ESR1: variants seen among roughly 807,000 people sequenced by gnomAD.
The protein encoded by ESR1 is estrogen receptor 1.
In ESR1, 12 loss-of-function variants were observed where a neutral mutation model predicts 52.7. That is an observed-to-expected ratio of 0.23 (90% CI 0.15 to 0.37). The LOEUF is 0.37. ESR1 is among the 10% of genes least tolerant of loss of function. ESR1 has a pLI of 1.00. For synonymous variants in ESR1, 305 were observed against 316.8 expected (o/e 0.96, Z 0.39); for missense variants, 584 against 779.7 (o/e 0.75, Z 2.99).
At chr6:151,876,343 A>G (rs1341540203) in intron 2 of ESR1, among the ~76,000 whole-genome samples, 1 of 152,120 alleles carries the variant, frequency 6.6e-6, no homozygotes, top group Non-Finnish European at 1.5e-5. Context: ...GGGCAGGTGG[A>G]CATTCAGGAA....
intron 4 of ESR1, among the ~76,000 whole-genome samples, chr6:151,959,732 T>G (rs3003923): frequency 0.72 from 109,526 of 151,894 alleles, 40,469 homozygotes; most frequent in Middle Eastern, 0.86. Flanking sequence ...AAATTGCATT[T>G]GGTGAGAGCA....
intron 3 of ESR1, among the ~76,000 whole-genome samples, chr6:151,911,982 T>C (rs1188748369): frequency 2.0e-5 from 3 of 152,214 alleles, no homozygotes; most frequent in Non-Finnish European, 4.4e-5. Flanking sequence ...TAGATGTAAA[T>C]GAATTTAAAT....
chr6:151,879,746 G>A (rs1299008996), intron 2 of ESR1, among the ~76,000 whole-genome samples: 6 of 152,118 alleles, frequency 3.9e-5, no homozygotes, highest in East Asian at 3.9e-4. Flanking sequence ...CTAGATTAGC[G>A]AGGAGGAAAG....
intron 6 of ESR1, among the ~76,000 whole-genome samples, chr6:152,064,593 A>G (rs984013343): frequency 6.6e-6 from 1 of 152,220 alleles, no homozygotes; most frequent in Admixed American, 6.5e-5. Context: ...ACTTTGTGCC[A>G]GGTATACAAA....
chr6:152,073,559 T>G (rs187136073), intron 6 of ESR1, among the ~76,000 whole-genome samples: 1 of 152,388 alleles, frequency 6.6e-6, no homozygotes, highest in Admixed American at 6.5e-5. Flanking sequence ...CACACCATCC[T>G]GCACCCTGTT....
intron 2 of ESR1, among the ~76,000 whole-genome samples, chr6:151,746,408 G>A (rs1049000416): frequency 2.0e-5 from 3 of 152,210 alleles, no homozygotes. Flanking sequence ...ATGGGCTTCA[G>A]TGATTGTCTT....
intron 3 of ESR1, among the ~76,000 whole-genome samples, chr6:151,926,593 G>A (rs2032786160): frequency 6.6e-6 from 1 of 151,554 alleles, no homozygotes; most frequent in Non-Finnish European, 1.5e-5. Context: ...TTATATCTTA[G>A]TATTGAATGT....
At chr6:151,947,329 T>G (rs567495615) in intron 4 of ESR1, among the ~76,000 whole-genome samples, 5 of 151,906 alleles carry the variant, frequency 3.3e-5, no homozygotes, top group East Asian at 3.9e-4. Flanking sequence ...AATAAATAAA[T>G]AAAGAAGGAA....
chr6:152,104,170 G>A (rs1282678608), downstream of ESR1, among the ~76,000 whole-genome samples: 1 of 152,010 alleles, frequency 6.6e-6, no homozygotes, highest in Non-Finnish European at 1.5e-5. Flanking sequence ...AGAGTCTTCC[G>A]AAACTGCACG....
chr6:151,799,302 G>T (rs1777004944), intron 2 of ESR1, among the ~76,000 whole-genome samples: 1 of 152,214 alleles, frequency 6.6e-6, no homozygotes, highest in Non-Finnish European at 1.5e-5. Flanking sequence ...GCAATGAAGA[G>T]TTTGGACTCA....
intron 1 of ESR1, among the ~76,000 whole-genome samples, chr6:151,693,587 G>A (rs898609027): frequency 2.0e-5 from 3 of 152,096 alleles, no homozygotes; most frequent in African/African-American, 7.2e-5. Context: ...TCATTGTTGG[G>A]CAATGTCTTA....
At chr6:152,105,988 T>C (rs2152512436), downstream of ESR1, among the ~76,000 whole-genome samples, 1 of 148,562 alleles carries the variant, frequency 6.7e-6, no homozygotes, top group South Asian at 2.2e-4. Flanking sequence ...AGAGACGGGG[T>C]TTCACCTTGT....
At chr6:151,765,088 TA>T (rs1784946718) in intron 2 of ESR1, among the ~76,000 whole-genome samples, 1 of 152,242 alleles carries the variant, frequency 6.6e-6, no homozygotes, top group Non-Finnish European at 1.5e-5. Context: ...ATAATATAGC[TA>T]AATATCAATT....
intron 4 of ESR1, among the ~76,000 whole-genome samples, chr6:151,959,922 T>G (rs1003022614): frequency 1.3e-5 from 2 of 152,214 alleles, no homozygotes; most frequent in Non-Finnish European, 2.9e-5. Flanking sequence ...AAATAATATG[T>G]TTTACACATG....
intron 6 of ESR1, among the ~76,000 whole-genome samples, chr6:152,109,009 A>G (rs929702939): frequency 6.6e-6 from 1 of 152,190 alleles, no homozygotes. Context: ...CAATCATGGC[A>G]GAAGGTGAAG....
intron 6 of ESR1, among the ~76,000 whole-genome samples, chr6:152,114,747 C>G (rs1336711609): frequency 6.6e-6 from 1 of 151,068 alleles, no homozygotes; most frequent in Non-Finnish European, 1.5e-5. Flanking sequence ...AAAAATTAGC[C>G]GGGCGTAGTG....
intron 4 of ESR1, among the ~76,000 whole-genome samples, chr6:151,976,496 C>T (rs2128655328): frequency 6.6e-6 from 1 of 152,014 alleles, no homozygotes; most frequent in South Asian, 2.1e-4. Flanking sequence ...CCTATAAAAC[C>T]TTTTTGGTTT....
chr6:151,856,838 C>T (rs1201904616), intron 2 of ESR1, among the ~76,000 whole-genome samples: 2 of 152,048 alleles, frequency 1.3e-5, no homozygotes, highest in African/African-American at 4.8e-5. Flanking sequence ...ATGAAGTACC[C>T]TTCTTTTTTT....
At chr6:151,975,045 G>A (rs906812083) in intron 4 of ESR1, among the ~76,000 whole-genome samples, 6 of 152,190 alleles carry the variant, frequency 3.9e-5, no homozygotes, top group African/African-American at 1.4e-4. Flanking sequence ...TGGGGTAGCT[G>A]TGAGGCTGGG....
Sources: gnomAD v4.1 joint callset for allele counts (sites outside exome capture counted in the v4.1 genomes callset) on GRCh38, gnomAD v4.1.1 for gene constraint, MANE v1.5 for transcripts, NCBI Gene and HGNC (gene_info 2026-07-23, HGNC 2026-07-21) for gene names.